PHACTR3: variants seen among roughly 807,000 people sequenced by gnomAD.
PHACTR3 encodes phosphatase and actin regulator 3, also known as protein phosphatase 1, regulatory subunit 123.
Under a neutral mutation model 66.8 loss-of-function variants are expected in PHACTR3, and 16 were observed. The ratio of observed to expected loss-of-function variants is 0.24; its 90% CI spans 0.16 to 0.36. The LOEUF (loss-of-function observed/expected upper bound fraction) is 0.36, where lower values mean the gene tolerates loss of function less well. PHACTR3 is among the 10% of genes least tolerant of loss of function. PHACTR3 has a pLI of 1.00. For missense variants in PHACTR3, 647 were observed against 719.9 expected (o/e 0.90, Z 1.16); for synonymous variants, 323 against 292.1 (o/e 1.11, Z -1.08).
chr20:59,608,551 C>T (rs2033741665), intron 1 of PHACTR3, among the ~76,000 whole-genome samples: 1 of 152,240 alleles, frequency 6.6e-6, no homozygotes, highest in African/African-American at 2.4e-5. Flanking sequence ...CATCCTGGGG[C>T]CAGCCCCTGG....
chr20:59,787,110 A>G (rs576930249), intron 7 of PHACTR3, among the ~76,000 whole-genome samples: 11 of 152,380 alleles, frequency 7.2e-5, no homozygotes, highest in African/African-American at 2.4e-4. Context: ...GTGCTGGCCT[A>G]GACACACGGG....
Position 59,676,604 on chromosome 20 carries a change from C to T in PHACTR3, c.119-66503C>T, listed in dbSNP as rs553954789. On this transcript the variant is annotated intron_variant, in intron 1 of 12. Coordinates refer to ENST00000371015, the MANE Select transcript of PHACTR3 (RefSeq NM_080672.5). ...TTGGAGGTTTTCTCAGGGAGCGGAGCGAGTCCCCAGGAGCAAGTGAGAGTG... is the reference window on the plus strand; with the variant it reads ...TTGGAGGTTTTCTCAGGGAGCGGAGTGAGTCCCCAGGAGCAAGTGAGAGTG... The T allele has an allele frequency of 4.1e-5, 28 of 683,626 alleles. No homozygotes were observed. In the African/African-American group the frequency reaches 4.7e-4, roughly 11 times the overall value. The allele number at this position is 683,626 out of a possible 1,614,324, so 42.3% of individuals were successfully genotyped here.
intron 8 of PHACTR3, among the ~76,000 whole-genome samples, chr20:59,823,912 G>T (rs1042100285): frequency 1.3e-5 from 2 of 152,334 alleles, no homozygotes; most frequent in East Asian, 3.9e-4. Context: ...GGTACAAATA[G>T]GTTTGGGAAC....
rs902664976 is a variant in PHACTR3 at position 59,829,493 on chromosome 20, G to A, written c.1329-7012G>A. On this transcript the variant is annotated intron_variant, in intron 8 of 12. Transcript: ENST00000371015. This position sits in a 1 kb window ranked among gnomAD's most constrained non-coding sequence, Gnocchi z 4.2. ...CATAGGGTCAATGTGCCTGTCATCC[G>A]TGCACCCAGATGGTGTGCGCCTGGG... is the stretch of plus-strand genomic sequence containing the variant. Among the ~76,000 whole-genome samples, 1 of 152,186 alleles carries A rather than the reference G, an allele frequency of 6.6e-6. No individual in the cohort carries two copies. The highest frequency in any genetic ancestry group is 2.4e-5 in the African/African-American group (1 of 41,440).
chr20:59,705,817 A>G (rs2037680742), intron 1 of PHACTR3, among the ~76,000 whole-genome samples: 1 of 152,158 alleles, frequency 6.6e-6, no homozygotes, highest in Non-Finnish European at 1.5e-5. Flanking sequence ...CTGCTGGATC[A>G]CTGGTCTTTC....
intron 1 of PHACTR3, among the ~76,000 whole-genome samples, chr20:59,605,786 C>T (rs1019203751): frequency 7.2e-6 from 1 of 138,910 alleles, no homozygotes; most frequent in Non-Finnish European, 1.5e-5. Context: ...AAACCGGTCA[C>T]AAAGGCGTCT....
chr20:59,617,265 A>C (rs1467057096), intron 1 of PHACTR3, among the ~76,000 whole-genome samples: 1 of 152,160 alleles, frequency 6.6e-6, no homozygotes, highest in Non-Finnish European at 1.5e-5. Context: ...ATTAAAATCG[A>C]GGGAGAAAAA....
At chr20:59,627,325 C>T (rs922218544) in intron 1 of PHACTR3, among the ~76,000 whole-genome samples, 3 of 152,200 alleles carry the variant, frequency 2.0e-5, no homozygotes, top group African/African-American at 7.2e-5. Context: ...GCTACCTTCA[C>T]CTAAGCCCGC....
intron 5 of PHACTR3, among the ~76,000 whole-genome samples, chr20:59,771,102 A>T (rs182432025): frequency 6.6e-6 from 1 of 152,314 alleles, no homozygotes; most frequent in East Asian, 1.9e-4. Flanking sequence ...TGGTTGTCAC[A>T]TCTGTGATTG....
intron 7 of PHACTR3, among the ~76,000 whole-genome samples, chr20:59,801,326 T>C (rs2146983685): frequency 6.6e-6 from 1 of 152,380 alleles, no homozygotes; most frequent in Middle Eastern, 3.4e-3. Context: ...CACTGTCTTC[T>C]GTTGCTGATT....
intron 1 of PHACTR3, among the ~76,000 whole-genome samples, chr20:59,593,640 T>C (rs919821988): frequency 6.6e-6 from 1 of 152,240 alleles, no homozygotes; most frequent in African/African-American, 2.4e-5. Flanking sequence ...ATATTTTACA[T>C]TTAGTTCTAT....
At chr20:59,827,059 G>C (rs1600726413) in intron 8 of PHACTR3, among the ~76,000 whole-genome samples, 1 of 152,048 alleles carries the variant, frequency 6.6e-6, no homozygotes, top group East Asian at 1.9e-4. Context: ...GTACCTCTGA[G>C]AGTCCCCAGA....
chr20:59,644,708 C>T (rs117431198), intron 1 of PHACTR3, among the ~76,000 whole-genome samples: 3,776 of 152,308 alleles, frequency 0.025, 61 homozygotes, highest in Middle Eastern at 0.058. Context: ...TTGCTCCAGG[C>T]ACAGGCTGCA....
chr20:59,739,074 C>A (rs1404027106), intron 1 of PHACTR3, among the ~76,000 whole-genome samples: 1 of 152,174 alleles, frequency 6.6e-6, no homozygotes, highest in Non-Finnish European at 1.5e-5. Flanking sequence ...CTCCCGTGGC[C>A]TTGGGGAGAG....
intron 1 of PHACTR3, among the ~76,000 whole-genome samples, chr20:59,725,096 G>A (rs1023873884): frequency 6.6e-6 from 1 of 151,764 alleles, no homozygotes; most frequent in Admixed American, 6.6e-5. Flanking sequence ...CAGTAAGGCT[G>A]TGAGCCCAGG....
At chr20:59,760,455 G>C (rs1044577047) in intron 4 of PHACTR3, among the ~76,000 whole-genome samples, 2 of 152,132 alleles carry the variant, frequency 1.3e-5, no homozygotes, top group African/African-American at 4.8e-5. Context: ...TTGAATCATG[G>C]GGGTGGTTTC....
intron 3 of PHACTR3, among the ~76,000 whole-genome samples, chr20:59,752,936 G>A (rs1190291036): frequency 5.3e-5 from 8 of 152,240 alleles, no homozygotes; most frequent in African/African-American, 1.4e-4. Flanking sequence ...GTGCTGTCAC[G>A]GTTGCACGTC....
intron 1 of PHACTR3, among the ~76,000 whole-genome samples, chr20:59,689,082 T>C (rs1275230580): frequency 6.6e-6 from 1 of 152,164 alleles, no homozygotes; most frequent in Non-Finnish European, 1.5e-5. Context: ...TCATGGGTAT[T>C]TTTAAATGCG....
chr20:59,770,574 A>G (rs1020969955), intron 5 of PHACTR3, among the ~76,000 whole-genome samples: 1 of 152,192 alleles, frequency 6.6e-6, no homozygotes, highest in Admixed American at 6.5e-5. Context: ...GAAGTCCAAG[A>G]TCAGGGTGCC....
Sources: allele counts gnomAD v4.1 joint callset (sites outside exome capture counted in the v4.1 genomes callset), GRCh38; gene constraint gnomAD v4.1.1; non-coding constraint Gnocchi (gnomAD v3.1); transcripts MANE v1.5; gene names NCBI Gene and HGNC (gene_info 2026-07-23, HGNC 2026-07-21).